Variants in CDKN2B-AS1 observed in about 807,000 individuals in gnomAD.
CDKN2B-AS1 encodes the protein CDKN2B antisense RNA 1 (non-protein coding).
chr9:22,049,600 G>T (rs1179694646), intron 3 of CDKN2B-AS1, among the ~76,000 whole-genome samples: 2 of 152,102 alleles, frequency 1.3e-5, no homozygotes, highest in Non-Finnish European at 2.9e-5. Flanking sequence ...AACAGCAAAA[G>T]GAAATGCTAA....
At chr9:22,093,494 C>G (rs958051987) in intron 4 of CDKN2B-AS1, among the ~76,000 whole-genome samples, 3 of 123,698 alleles carry the variant, frequency 2.4e-5, no homozygotes, top group East Asian at 2.3e-4. Flanking sequence ...CTTTATGAAT[C>G]TTGGTGCTCC....
intron 1 of CDKN2B-AS1, among the ~76,000 whole-genome samples, chr9:22,010,998 G>C (rs879328566): frequency 9.9e-5 from 15 of 152,226 alleles, no homozygotes; most frequent in Admixed American, 3.9e-4. Context: ...TAAAATGACT[G>C]AGAATCTTGC....
intron 4 of CDKN2B-AS1, among the ~76,000 whole-genome samples, chr9:22,086,149 T>C (rs1202819312): frequency 1.3e-5 from 2 of 152,142 alleles, no homozygotes; most frequent in East Asian, 1.9e-4. Flanking sequence ...CTCAATGTGG[T>C]AGAGTTATTA....
At chr9:22,073,681 C>T (rs921096376) in intron 4 of CDKN2B-AS1, among the ~76,000 whole-genome samples, 1 of 152,126 alleles carries the variant, frequency 6.6e-6, no homozygotes, top group Non-Finnish European at 1.5e-5. Flanking sequence ...CTATTTACTA[C>T]CCTAACTGCC....
intron 3 of CDKN2B-AS1, among the ~76,000 whole-genome samples, chr9:22,049,524 G>A (rs1823250427): frequency 6.6e-6 from 1 of 152,126 alleles, no homozygotes; most frequent in Non-Finnish European, 1.5e-5. Context: ...CAGTACATCT[G>A]CTCTTACACA....
At chr9:22,123,419 G>A (rs1369443034) in intron 4 of CDKN2B-AS1, among the ~76,000 whole-genome samples, 1 of 152,136 alleles carries the variant, frequency 6.6e-6, no homozygotes, top group African/African-American at 2.4e-5. Flanking sequence ...GGGCATCCTT[G>A]TCTTGTTTCA....
chr9:22,018,390 G>T (rs1028600429), intron 1 of CDKN2B-AS1, among the ~76,000 whole-genome samples: 9 of 151,778 alleles, frequency 5.9e-5, no homozygotes, highest in African/African-American at 2.2e-4. Flanking sequence ...GCGCATGGTG[G>T]CTCACGCCTG....
At chr9:22,007,532 A>T (rs1298893401) in intron 1 of CDKN2B-AS1, among the ~76,000 whole-genome samples, 2 of 152,186 alleles carry the variant, frequency 1.3e-5, no homozygotes, top group South Asian at 2.1e-4. Flanking sequence ...TTATAAGACA[A>T]TTTTTGGTAA....
chr9:22,032,362 A>C (rs150806927), intron 1 of CDKN2B-AS1, among the ~76,000 whole-genome samples: 3 of 151,328 alleles, frequency 2.0e-5, no homozygotes, highest in African/African-American at 7.3e-5. Flanking sequence ...CCTTCCCTTC[A>C]TTCCTTCTAC....
intron 4 of CDKN2B-AS1, among the ~76,000 whole-genome samples, chr9:22,073,307 C>G (rs143382286): frequency 2.0e-5 from 3 of 152,098 alleles, no homozygotes; most frequent in Non-Finnish European, 4.4e-5. Context: ...AATATTTTCA[C>G]GATTCAAAAA....
At position 22,001,327 on chromosome 9, in the gene CDKN2B-AS1, CCA is replaced by C. The variant is rs1820909612; in HGVS notation, n.29+6167_29+6168del. On this transcript the variant is annotated intron_variant and non_coding_transcript_variant, in intron 1 of 4. Coordinates refer to ENST00000650946, the Ensembl canonical transcript of CDKN2B-AS1. This position sits in a 1 kb window ranked among gnomAD's most constrained non-coding sequence, Gnocchi z 4.2. ...CCATATATCTACTGGAAGTCTAATG[CCA>C]GGGGCTTCTGAGTGTGAAGTGGATT... Among the ~76,000 whole-genome samples the C allele has an allele frequency of 6.6e-6, 1 of 152,070 alleles. No individual in the cohort carries two copies. The highest frequency in any genetic ancestry group is 1.9e-4 in the East Asian group (1 of 5,192).
chr9:22,059,090 T>C (rs1823694863), intron 4 of CDKN2B-AS1: 1 of 152,348 alleles, frequency 6.6e-6, no homozygotes, highest in African/African-American at 2.4e-5. Flanking sequence ...AACCACGTAA[T>C]TTCACCCCTG....
At chr9:22,038,605 G>T (rs961234946) in intron 1 of CDKN2B-AS1, among the ~76,000 whole-genome samples, 4 of 151,822 alleles carry the variant, frequency 2.6e-5, no homozygotes, top group African/African-American at 9.7e-5. Context: ...TTATTCTTTT[G>T]TACTAATTCA....
chr9:22,118,795 A>T, intron 4 of CDKN2B-AS1: 1 of 152,158 alleles, frequency 6.6e-6, no homozygotes, highest in Admixed American at 6.5e-5. Context: ...TGAAATTCAC[A>T]TGTATGTGAA....
At chr9:22,102,299 C>A (rs1490383669) in intron 4 of CDKN2B-AS1, among the ~76,000 whole-genome samples, 1 of 152,142 alleles carries the variant, frequency 6.6e-6, no homozygotes, top group Non-Finnish European at 1.5e-5. Flanking sequence ...ACCAGAATTT[C>A]TCTGCTAGAT....
rs114207844 is a variant in CDKN2B-AS1 at position 22,040,032 on chromosome 9, C to T, written n.30-6719C>T. Among the ~76,000 whole-genome samples the T allele has an allele frequency of 2.6e-3, 392 of 152,130 alleles. 3 individuals are homozygous for T. The highest frequency in any genetic ancestry group is 9.0e-3 in the African/African-American group (373 of 41,546). ...AAAGTCACAAAATTAACAGAAGCTA[C>T]GGAAGAGACCTTGAATAAATTCTTC... On this transcript the variant is annotated intron_variant and non_coding_transcript_variant, in intron 1 of 4. Coordinates refer to ENST00000650946, the Ensembl canonical transcript of CDKN2B-AS1.
At chr9:22,056,234 A>ATATTTTTTTTTTTTTTT in intron 3 of CDKN2B-AS1, 1 of 98,284 alleles carries the variant, frequency 1.0e-5, no homozygotes, top group East Asian at 3.3e-4. Flanking sequence ...ATATATATAT[A>ATATTTTTTTTTTTTTTT]TTTTTTTTTT....
chr9:22,054,675 T>A (rs1222557168), intron 3 of CDKN2B-AS1, among the ~76,000 whole-genome samples: 4 of 151,040 alleles, frequency 2.6e-5, no homozygotes, highest in Non-Finnish European at 5.9e-5. Context: ...CAGCTTTTTT[T>A]ATTTTTATTT....
chr9:22,081,788 A>T (rs548842568), intron 4 of CDKN2B-AS1, among the ~76,000 whole-genome samples: 42 of 152,362 alleles, frequency 2.8e-4, no homozygotes, highest in Admixed American at 7.2e-4. Context: ...GTGTTATGAA[A>T]AATAGGGAAA....
Sources: gnomAD v4.1 joint callset for allele counts (sites outside exome capture counted in the v4.1 genomes callset) on GRCh38, gnomAD v4.1.1 for gene constraint, Gnocchi (gnomAD v3.1) non-coding constraint, MANE v1.5 for transcripts, NCBI Gene and HGNC (gene_info 2026-07-23, HGNC 2026-07-21) for gene names.